Variants in CNTN5 observed in about 807,000 individuals in gnomAD.
CNTN5 encodes the protein contactin 5.
A neutral mutation model predicts 129.1 loss-of-function variants in CNTN5; 77 were observed. The ratio of observed to expected loss-of-function variants is 0.60; its 90% CI spans 0.50 to 0.72. CNTN5 has a LOEUF of 0.72. CNTN5 is among the 30% of genes least tolerant of loss of function. CNTN5 has a pLI of 0.00. For missense variants in CNTN5, 1,478 were observed against 1,328.8 expected, an observed-to-expected ratio of 1.11 and a Z score of -1.75; for synonymous variants, 509 against 465.6, an observed-to-expected ratio of 1.09 and a Z score of -1.20.
At chr11:99,382,776 A>G (rs1940650501) in intron 2 of CNTN5, among the ~76,000 whole-genome samples, 1 of 147,620 alleles carries the variant, frequency 6.8e-6, no homozygotes, top group Non-Finnish European at 1.5e-5. Flanking sequence ...GAACTCAGTA[A>G]CACGTGTTTC....
chr11:99,733,626 T>G (rs1352485786), intron 3 of CNTN5, among the ~76,000 whole-genome samples: 1 of 152,146 alleles, frequency 6.6e-6, no homozygotes. Flanking sequence ...TCCAAAATAC[T>G]TGTTTTTAAA....
intron 3 of CNTN5, among the ~76,000 whole-genome samples, chr11:99,678,816 A>G (rs1236879491): frequency 1.3e-5 from 2 of 152,024 alleles, no homozygotes; most frequent in Non-Finnish European, 2.9e-5. Flanking sequence ...AGGTGTCCAC[A>G]TGAGAAGAAT....
At position 99,205,157 on chromosome 11, in the gene CNTN5, C is replaced by CAATT. The variant is rs1859412423; in HGVS notation, c.-209-120186_-209-120185insTAAT. Among the ~76,000 whole-genome samples the CAATT allele has an allele frequency of 4.0e-5, 6 of 151,600 alleles. No homozygotes were observed. The South Asian group carries it at 1.2e-3, about 31-fold the overall frequency. ...ATTTAGAATAAAAATCTGACAAACT[C>CAATT]AATAAGCAAACAAACAAACAAAAAA... On this transcript the variant is annotated intron_variant, in intron 1 of 24. Transcript: ENST00000524871.
chr11:99,109,404 A>G (rs1241866793), intron 1 of CNTN5, among the ~76,000 whole-genome samples: 1 of 152,046 alleles, frequency 6.6e-6, no homozygotes, highest in Non-Finnish European at 1.5e-5. Context: ...CTTACAGTAT[A>G]TTTGTTAGAT....
At chr11:99,685,191 G>A (rs1182529850) in intron 3 of CNTN5, among the ~76,000 whole-genome samples, 1 of 151,250 alleles carries the variant, frequency 6.6e-6, no homozygotes, top group Non-Finnish European at 1.5e-5. Flanking sequence ...CAAATTTCAA[G>A]TGATTACTTT....
chr11:99,429,667 C>G (rs1167994943), intron 2 of CNTN5, among the ~76,000 whole-genome samples: 1 of 152,000 alleles, frequency 6.6e-6, no homozygotes, highest in Non-Finnish European at 1.5e-5. Context: ...TAGGCTCTAT[C>G]TTTTAACTGG....
intron 1 of CNTN5, among the ~76,000 whole-genome samples, chr11:99,106,225 C>T (rs1659511515): frequency 6.6e-6 from 1 of 151,734 alleles, no homozygotes; most frequent in African/African-American, 2.4e-5. Context: ...AAGTAAATAC[C>T]CATACAACAA....
chr11:100,050,466 G>T (rs1158743572), intron 9 of CNTN5, among the ~76,000 whole-genome samples: 2 of 151,914 alleles, frequency 1.3e-5, no homozygotes, highest in African/African-American at 4.8e-5. Flanking sequence ...CACACTCTGG[G>T]GACTGTTGTG....
intron 3 of CNTN5, among the ~76,000 whole-genome samples, chr11:99,693,549 C>T (rs1039761886): frequency 1.3e-5 from 2 of 151,612 alleles, no homozygotes; most frequent in Admixed American, 6.6e-5. Context: ...CCCAGTGGAC[C>T]GTGAAACATG....
intron 3 of CNTN5, among the ~76,000 whole-genome samples, chr11:99,763,047 TG>T (rs1307304062): frequency 6.6e-6 from 1 of 152,156 alleles, no homozygotes; most frequent in African/African-American, 2.4e-5. Flanking sequence ...TATTGATCCA[TG>T]TATCACTGCT....
chr11:100,040,759 G>C (rs536910928), intron 9 of CNTN5, among the ~76,000 whole-genome samples: 1 of 151,938 alleles, frequency 6.6e-6, no homozygotes, highest in Non-Finnish European at 1.5e-5. Context: ...CTCTGTGGGC[G>C]TAGGACCCTC....
chr11:99,371,323 A>G (rs1431907624), intron 2 of CNTN5, among the ~76,000 whole-genome samples: 2 of 151,994 alleles, frequency 1.3e-5, no homozygotes, highest in Non-Finnish European at 2.9e-5. Flanking sequence ...CATATACTAT[A>G]TATATGAAAT....
chr11:99,455,260 A>G (rs1267176929), intron 2 of CNTN5, among the ~76,000 whole-genome samples: 1 of 152,178 alleles, frequency 6.6e-6, no homozygotes, highest in African/African-American at 2.4e-5. Context: ...ACAATGAGTG[A>G]CAGTTGGCAG....
chr11:99,831,487 C>G (rs1947137567), intron 4 of CNTN5, among the ~76,000 whole-genome samples: 2 of 152,184 alleles, frequency 1.3e-5, no homozygotes, highest in Admixed American at 1.3e-4. Flanking sequence ...CCAGTGCCGG[C>G]TGTTGGCGTT....
At chr11:99,949,151 A>G (rs1399809777) in intron 7 of CNTN5, among the ~76,000 whole-genome samples, 1 of 152,074 alleles carries the variant, frequency 6.6e-6, no homozygotes, top group Non-Finnish European at 1.5e-5. Context: ...TCCTGGAAAA[A>G]TGTTGTCAAA....
intron 1 of CNTN5, among the ~76,000 whole-genome samples, chr11:99,160,714 A>C (rs1860567163): frequency 6.6e-6 from 1 of 152,218 alleles, no homozygotes; most frequent in South Asian, 2.1e-4. Context: ...TTTATGGAAC[A>C]CTTACTTTGA....
In CNTN5 at chr11:99,449,731, G is replaced by A. The variant is rs79568082; in HGVS notation, c.-70-106414G>A. On this transcript the variant is annotated intron_variant, in intron 2 of 24. Transcript: ENST00000524871. ...TGTGGGTCTCTCTTTATCTCTCAAG[G>A]TGGCCCCACCAGGTTTTCTCTTGTG... Among the ~76,000 whole-genome samples the A allele has an allele frequency of 1.1e-3, 161 of 152,192 alleles. 1 individual carries two copies. Among genetic ancestry groups the A allele is most frequent in the African/African-American group, 3.8e-3 (157 of 41,516 alleles).
At chr11:99,879,503 T>G (rs894616591) in intron 6 of CNTN5, among the ~76,000 whole-genome samples, 1 of 152,326 alleles carries the variant, frequency 6.6e-6, no homozygotes, top group Middle Eastern at 3.4e-3. Flanking sequence ...CCCAAAACTA[T>G]GCAGAGAATG....
chr11:100,188,871 A>G (rs965794391), intron 13 of CNTN5, among the ~76,000 whole-genome samples: 18 of 152,208 alleles, frequency 1.2e-4, no homozygotes, highest in African/African-American at 3.9e-4. Flanking sequence ...AATGTGGTAC[A>G]TACACACTGT....
Sources: allele counts gnomAD v4.1 joint callset (sites outside exome capture counted in the v4.1 genomes callset), GRCh38; gene constraint gnomAD v4.1.1; transcripts MANE v1.5; gene names NCBI Gene and HGNC (gene_info 2026-07-23, HGNC 2026-07-21).